The following CADPS variants were observed in gnomAD, a reference collection of about 807,000 sequenced individuals.
The protein encoded by CADPS is calcium-dependent secretion activator 1.
CADPS carries 57 observed loss-of-function variants against 167.3 expected under a neutral mutation model. The observed-to-expected ratio is 0.34, with a 90% CI of 0.28 to 0.42. CADPS has a LOEUF of 0.42. CADPS is among the 20% of genes least tolerant of loss of function. CADPS has a pLI of 1.00. For synonymous variants in CADPS, 676 were observed against 635.3 expected (o/e 1.06, Z -0.96); for missense variants, 1,414 against 1,738.1 (o/e 0.81, Z 3.32).
chr3:62,472,034 C>T (rs72887747), intron 24 of CADPS, among the ~76,000 whole-genome samples: 6,640 of 151,588 alleles, frequency 0.044, 191 homozygotes, highest in African/African-American at 0.077. Context: ...TAAAAAGGAG[C>T]GAACAATACA....
chr3:62,693,587 A>G (rs1026826977), intron 3 of CADPS, among the ~76,000 whole-genome samples: 1 of 151,840 alleles, frequency 6.6e-6, no homozygotes, highest in Non-Finnish European at 1.5e-5. Flanking sequence ...TTCGAGACCA[A>G]CCTGGGCAAT....
chr3:62,768,982 C>A (rs535256340), intron 1 of CADPS, among the ~76,000 whole-genome samples: 1 of 152,134 alleles, frequency 6.6e-6, no homozygotes. Context: ...TACTGGTTTA[C>A]AATTCACTAC....
chr3:62,402,644 T>C (rs558494791), intron 29 of CADPS, among the ~76,000 whole-genome samples: 1 of 152,382 alleles, frequency 6.6e-6, no homozygotes, highest in East Asian at 1.9e-4. Flanking sequence ...TTGATTTGCA[T>C]TCTGATAATG....
intron 4 of CADPS, among the ~76,000 whole-genome samples, chr3:62,659,084 T>C (rs1051355646): frequency 1.3e-5 from 2 of 152,180 alleles, no homozygotes; most frequent in African/African-American, 2.4e-5. Flanking sequence ...AAAAGTGCTC[T>C]ACCCATCTTT....
At position 62,662,364 on chromosome 3, in the gene CADPS, T is replaced by G; in HGVS notation, c.919A>C (p.Ile307Leu). The change falls in exon 4 of 30, where the codon ATC becomes CTC. Residue 307 changes from isoleucine to leucine, a missense_variant. Ile to Leu is a conservative substitution (Grantham distance 5). Coordinates refer to ENST00000383710, the MANE Select transcript of CADPS (RefSeq NM_003716.4). ...AGACGTCCATCCAGCTCTCGTCTGA[T>G]CTGGGCTGCTTGCTCATCTGGATTG... ...LDNPDEQAAQ[I>L]RRELDGRLQM... 1 of 1,614,010 alleles carries G rather than the reference T, an allele frequency of 6.2e-7. No homozygotes were observed. The highest frequency in any genetic ancestry group is 8.5e-7 in the Non-Finnish European group (1 of 1,179,918).
chr3:62,532,784 G>T, intron 13 of CADPS, 87 bp downstream of exon 13: 1 of 1,190,790 alleles, frequency 8.4e-7, no homozygotes, highest in Non-Finnish European at 1.2e-6. Flanking sequence ...AATGAAGACA[G>T]GCAGATCCTA....
intron 16 of CADPS, chr3:62,513,498 T>A: frequency 1.7e-6 from 1 of 602,520 alleles, no homozygotes. Context: ...CACACTGGGT[T>A]TCACAGACAG....
At chr3:62,532,738 T>A in intron 13 of CADPS, 133 bp downstream of exon 13, 2 of 648,020 alleles carry the variant, frequency 3.1e-6, no homozygotes, top group South Asian at 3.9e-5. Context: ...TGTGTGTGTG[T>A]GTGTGTGTGT....
intron 1 of CADPS, among the ~76,000 whole-genome samples, chr3:62,855,515 G>T (rs995858339): frequency 1.3e-5 from 2 of 152,104 alleles, no homozygotes; most frequent in Non-Finnish European, 2.9e-5. Context: ...ACCAAGCAAA[G>T]TTATTAATTT....
chr3:62,562,406 G>A (rs11708441), intron 9 of CADPS, among the ~76,000 whole-genome samples: 5 of 152,102 alleles, frequency 3.3e-5, no homozygotes, highest in African/African-American at 7.2e-5. Context: ...GTGAACCAAG[G>A]CAGTTCAGTT....
chr3:62,846,136 G>GT (rs2077395251), intron 1 of CADPS, among the ~76,000 whole-genome samples: 1 of 151,796 alleles, frequency 6.6e-6, no homozygotes, highest in Non-Finnish European at 1.5e-5. Context: ...TACCATGATT[G>GT]TAAGTTTCCT....
intron 6 of CADPS, among the ~76,000 whole-genome samples, chr3:62,608,177 C>G (rs2060955987): frequency 6.6e-6 from 1 of 151,940 alleles, no homozygotes. Context: ...ACCACAAGGC[C>G]TAGTCACTCT....
chr3:62,820,793 TG>T (rs1252071927), intron 1 of CADPS, among the ~76,000 whole-genome samples: 1,027 of 67,404 alleles, frequency 0.015, 10 homozygotes, highest in African/African-American at 0.031. Flanking sequence ...CTCTTTTTTT[TG>T]GTTTTTTTTT....
rs2069955153 is a variant in CADPS at position 62,650,942 on chromosome 3, G to A, written c.1108C>T (p.Leu370Phe). 6.2e-7 allele frequency: 1 copy of A among 1,614,094 alleles called. No homozygotes were observed. Among genetic ancestry groups the A allele is most frequent in the Non-Finnish European group, 8.5e-7 (1 of 1,179,988 alleles). The change falls in exon 5 of 30, where the codon CTC becomes TTC. Residue 370 changes from leucine (L) to phenylalanine (F), a missense_variant. By Grantham distance (22) the Leu-to-Phe change is conservative (BLOSUM62 0). This residue lies in a region of CADPS where 522 missense variants were observed against 559.5 expected (regional missense o/e 0.93). Transcript: ENST00000383710. Reference protein sequence around the residue: ...SKGGEFKLQKLKRSHNASIID... With the variant: ...SKGGEFKLQKFKRSHNASIID... ...ATGGAAGCATTGTGGCTGCGTTTGA[G>A]TTTCTGGAGCTTGAACTCCCCGCCT...
intron 3 of CADPS, among the ~76,000 whole-genome samples, chr3:62,693,981 T>C (rs13070975): frequency 0.079 from 12,072 of 152,050 alleles, 630 homozygotes; most frequent in Non-Finnish European, 0.12. Context: ...TATCACAAGA[T>C]AGGAGGACAA....
At chr3:62,591,374 A>G (rs1358490084) in intron 7 of CADPS, among the ~76,000 whole-genome samples, 1 of 152,210 alleles carries the variant, frequency 6.6e-6, no homozygotes, top group Non-Finnish European at 1.5e-5. Flanking sequence ...CTGAGCTGTC[A>G]GGAAAGGACT....
intron 1 of CADPS, among the ~76,000 whole-genome samples, chr3:62,795,651 A>C (rs1383162337): frequency 6.6e-6 from 1 of 152,182 alleles, no homozygotes; most frequent in Non-Finnish European, 1.5e-5. Flanking sequence ...AAAGTGCCAG[A>C]CATTGGAGGT....
intron 6 of CADPS, among the ~76,000 whole-genome samples, chr3:62,634,177 T>G (rs111297436): frequency 2.6e-5 from 4 of 152,340 alleles, no homozygotes; most frequent in African/African-American, 9.6e-5. Flanking sequence ...CAAACAGGTC[T>G]AGAGAAATTA....
At chr3:62,457,146 C>G (rs1560623591) in intron 26 of CADPS, among the ~76,000 whole-genome samples, 1 of 152,146 alleles carries the variant, frequency 6.6e-6, no homozygotes, top group Non-Finnish European at 1.5e-5. Context: ...TAGAACTACA[C>G]TAATAATTAC....
Sources: gnomAD v4.1 joint callset for allele counts (sites outside exome capture counted in the v4.1 genomes callset) on GRCh38, gnomAD v4.1.1 for gene constraint, gnomAD v4.1.1 regional missense constraint, MANE v1.5 for transcripts, NCBI Gene and HGNC (gene_info 2026-07-23, HGNC 2026-07-21) for gene names.